The following NUSAP1 variants were observed in gnomAD, a reference collection of about 807,000 sequenced individuals.
NUSAP1 encodes nucleolar and spindle-associated protein 1.
A neutral mutation model predicts 52.8 loss-of-function variants in NUSAP1; 32 were observed. The observed-to-expected ratio is 0.61, with a 90% confidence interval of 0.46 to 0.81. The LOEUF is 0.81. NUSAP1 is among the 40% of genes least tolerant of loss of function. The pLI is 0.00. For synonymous variants in NUSAP1, 195 were observed against 183.1 expected (o/e 1.06, Z -0.52); for missense variants, 499 against 522.3 (o/e 0.96, Z 0.43).
chr15:41,359,566 A>G (rs1044078265), intron 6 of NUSAP1, among the ~76,000 whole-genome samples: 15 of 152,130 alleles, frequency 9.9e-5, no homozygotes, highest in African/African-American at 3.6e-4. Context: ...TGAGAAGCTT[A>G]ATTGAAATAA....
At chr15:41,366,291 C>CTTTTTTTTTTTTTTTTT in intron 7 of NUSAP1, among the ~76,000 whole-genome samples, 1 of 139,786 alleles carries the variant, frequency 7.2e-6, no homozygotes, top group Non-Finnish European at 1.6e-5. Context: ...TTTCTTTTTT[C>CTTTTTTTTTTTTTTTTT]TTTTTTTTTT....
chr15:41,349,177 C>T lies in NUSAP1; in HGVS notation c.242C>T (p.Pro81Leu). 6.2e-7 allele frequency: 1 copy of T among 1,613,884 alleles called. No individual in the cohort carries two copies. Among genetic ancestry groups the T allele is most frequent in the Non-Finnish European group, 8.5e-7 (1 of 1,179,764 alleles). The change falls in exon 3 of 11, where the codon CCA becomes CTA. Residue 81 changes from proline (P) to leucine (L), a missense_variant. Physicochemically the swap from Pro to Leu is moderately conservative, Grantham distance 98 (BLOSUM62 -3). Coordinates refer to ENST00000559596, the MANE Select transcript of NUSAP1 (RefSeq NM_016359.5). ...ISNQEEAERQ[P>L]LGHVTKTRRR... ...AACCAGGAAGAAGCTGAGAGACAGC[C>T]ACTTGGCCATGTCACCAAAACAAGG...
At chr15:41,336,654 T>TTG (rs1555426231) in intron 1 of NUSAP1, among the ~76,000 whole-genome samples, 2 of 143,626 alleles carry the variant, frequency 1.4e-5, no homozygotes, top group African/African-American at 2.7e-5. Context: ...TTTGGTTTTT[T>TTG]TTTTTTTTTT....
Position 41,380,289 on chromosome 15 carries a change from T to C in NUSAP1, c.*103T>C, listed in dbSNP as rs965490844. On this transcript the variant is annotated 3_prime_UTR_variant, in exon 11 of 11. Coordinates refer to ENST00000559596, the MANE Select transcript of NUSAP1 (RefSeq NM_016359.5). ...CCCCACTTTAGTCACGAGATCTTTT[T>C]CTGCTAACTGTTCATAGTCTGTGTA... The C allele has an allele frequency of 2.8e-6, 2 of 724,566 alleles. No homozygotes were observed. Among genetic ancestry groups the C allele is most frequent in the Non-Finnish European group, 4.7e-6 (2 of 427,340 alleles). 44.9% of individuals were successfully genotyped at this position (724,566 alleles called of 1,614,324 possible).
intron 2 of NUSAP1, among the ~76,000 whole-genome samples, 187 bp from the exon 3 acceptor site, chr15:41,348,911 G>A (rs2048680671): frequency 6.6e-6 from 1 of 152,208 alleles, no homozygotes. Flanking sequence ...GGGATTACAG[G>A]CGTGAGCCAC....
intron 2 of NUSAP1, among the ~76,000 whole-genome samples, chr15:41,343,702 G>C (rs866937380): frequency 1.3e-5 from 2 of 151,354 alleles, no homozygotes; most frequent in African/African-American, 2.4e-5. Context: ...TGTTGGCCAG[G>C]CTGGTCTCAA....
chr15:41,365,614 A>G (rs2049368891), intron 7 of NUSAP1, 25 bp downstream of exon 7: 2 of 1,554,076 alleles, frequency 1.3e-6, no homozygotes, highest in African/African-American at 1.4e-5. Context: ...CCAAAATGTA[A>G]TCATGAACAA....
At chr15:41,341,405 T>C (rs2048362081) in intron 1 of NUSAP1, among the ~76,000 whole-genome samples, 1 of 152,034 alleles carries the variant, frequency 6.6e-6, no homozygotes, top group South Asian at 2.1e-4. Flanking sequence ...ACCAATCAAA[T>C]TAACATTGTT....
intron 9 of NUSAP1, among the ~76,000 whole-genome samples, 175 bp downstream of exon 9, chr15:41,376,003 T>C (rs1002194598): frequency 6.6e-6 from 1 of 152,008 alleles, no homozygotes; most frequent in Admixed American, 6.6e-5. Flanking sequence ...TAGGTGGAGG[T>C]TGCAGTGAGC....
intron 3 of NUSAP1, among the ~76,000 whole-genome samples, chr15:41,349,923 C>T (rs570825009): frequency 2.2e-4 from 33 of 151,868 alleles, no homozygotes; most frequent in Non-Finnish European, 4.1e-4. Flanking sequence ...GCCACCACCA[C>T]GCCCAACTAA....
intron 6 of NUSAP1, among the ~76,000 whole-genome samples, chr15:41,358,506 G>T (rs1292670719): frequency 1.3e-5 from 2 of 152,178 alleles, no homozygotes; most frequent in Non-Finnish European, 2.9e-5. Flanking sequence ...GGAGGCCAAG[G>T]CAAGTGGATT....
intron 7 of NUSAP1, among the ~76,000 whole-genome samples, chr15:41,370,267 A>G (rs1387692991): frequency 1.3e-5 from 2 of 151,984 alleles, no homozygotes; most frequent in Non-Finnish European, 2.9e-5. Context: ...CTATAGTCCC[A>G]GCTACTTGGG....
At chr15:41,337,925 TTTTTTC>T (rs1167628879) in intron 1 of NUSAP1, among the ~76,000 whole-genome samples, 6 of 139,724 alleles carry the variant, frequency 4.3e-5, no homozygotes, top group East Asian at 4.0e-4. Flanking sequence ...TTTTCTTTTC[TTTTTTC>T]TTTTTTTTTT....
intron 1 of NUSAP1, among the ~76,000 whole-genome samples, chr15:41,337,227 C>G (rs1188371423): frequency 1.3e-5 from 2 of 152,022 alleles, no homozygotes; most frequent in African/African-American, 4.8e-5. Flanking sequence ...CTATGTTGCC[C>G]TGTCTGGTCT....
intron 1 of NUSAP1, among the ~76,000 whole-genome samples, chr15:41,336,648 GTTTT>G (rs75426159): frequency 3.3e-5 from 3 of 91,350 alleles, no homozygotes; most frequent in East Asian, 2.5e-4. Flanking sequence ...CCTCCTTTTG[GTTTT>G]TTTTTTTTTT....
intron 1 of NUSAP1, among the ~76,000 whole-genome samples, chr15:41,336,153 G>A (rs1369584038): frequency 3.3e-5 from 5 of 151,218 alleles, no homozygotes; most frequent in Non-Finnish European, 5.9e-5. Flanking sequence ...CCAGCTACTC[G>A]GGAGGCTGAG....
intron 1 of NUSAP1, among the ~76,000 whole-genome samples, chr15:41,335,629 A>G (rs1328492386): frequency 7.2e-6 from 1 of 139,440 alleles, no homozygotes; most frequent in African/African-American, 2.6e-5. Flanking sequence ...TATATACTAA[A>G]TATACTATAT....
At chr15:41,369,679 G>A (rs909001498) in intron 7 of NUSAP1, among the ~76,000 whole-genome samples, 2 of 151,884 alleles carry the variant, frequency 1.3e-5, no homozygotes, top group South Asian at 2.1e-4. Context: ...TCAGAGGTTT[G>A]GCCCTTGCTT....
At chr15:41,346,840 T>G (rs1273140513) in intron 2 of NUSAP1, among the ~76,000 whole-genome samples, 1 of 70,280 alleles carries the variant, frequency 1.4e-5, no homozygotes, top group East Asian at 2.3e-4. Context: ...AATAAATAAA[T>G]AAATAAATAA....
Sources: allele counts gnomAD v4.1 joint callset (sites outside exome capture counted in the v4.1 genomes callset), GRCh38; gene constraint gnomAD v4.1.1; transcripts MANE v1.5; gene names NCBI Gene and HGNC (gene_info 2026-07-23, HGNC 2026-07-21).